The following PPP1R1C variants were observed in gnomAD, a reference collection of about 807,000 sequenced individuals.
PPP1R1C encodes the protein protein phosphatase 1 regulatory subunit 1C.
In PPP1R1C, 15 loss-of-function variants were observed where a neutral mutation model predicts 17.4. The observed-to-expected ratio is 0.86, with a 90% CI of 0.58 to 1.33. The LOEUF is 1.33. Ranked by LOEUF, PPP1R1C falls within the 40% of genes most tolerant of loss-of-function variation. The pLI, the probability that PPP1R1C is intolerant of heterozygous loss-of-function variation, is 0.00. For missense variants in PPP1R1C, 143 were observed against 130.0 expected (o/e 1.10, Z -0.48); for synonymous variants, 35 against 43.1 (o/e 0.81, Z 0.73).
chr2:182,057,170 A>G (rs1183336345), intron 2 of PPP1R1C, among the ~76,000 whole-genome samples: 1 of 152,160 alleles, frequency 6.6e-6, no homozygotes, highest in Non-Finnish European at 1.5e-5. Flanking sequence ...CAGCTATGCT[A>G]TTGTGCTCAG....
intron 2 of PPP1R1C, among the ~76,000 whole-genome samples, chr2:182,045,720 A>G (rs544825577): frequency 6.6e-6 from 1 of 152,202 alleles, no homozygotes; most frequent in Non-Finnish European, 1.5e-5. Flanking sequence ...GAAATTTGCA[A>G]TGGTTATATC....
At chr2:182,128,713 C>T (rs1921150) in intron 5 of PPP1R1C, among the ~76,000 whole-genome samples, 42,130 of 151,868 alleles carry the variant, frequency 0.28, 6,787 homozygotes, top group African/African-American at 0.43. Flanking sequence ...TCTTTTAAAA[C>T]TTCCCTTTAG....
rs1456318609 is a variant in PPP1R1C at position 182,026,220 on chromosome 2, C to A, written c.143-35222C>A. On this transcript the variant is annotated intron_variant, in intron 2 of 4. Coordinates refer to ENST00000682840, the MANE Select transcript of PPP1R1C (RefSeq NM_001080545.3). ...CAGAAGCTCTTTAGTTTAATTAGATCCCATTTGTCAATTTTGTCTTTTGTT... is the reference window on the plus strand; with the variant it reads ...CAGAAGCTCTTTAGTTTAATTAGATACCATTTGTCAATTTTGTCTTTTGTT... Among the ~76,000 whole-genome samples the A allele has an allele frequency of 2.7e-3, 277 of 101,224 alleles. 1 individual carries two copies. The highest frequency in any genetic ancestry group is 4.6e-3 in the Non-Finnish European group (223 of 48,890). The allele number at this position is 101,224 out of a possible 152,430, so 66.4% of individuals were successfully genotyped here.
intron 2 of PPP1R1C, among the ~76,000 whole-genome samples, chr2:181,996,404 C>T (rs1334698051): frequency 6.6e-6 from 1 of 152,196 alleles, no homozygotes; most frequent in Non-Finnish European, 1.5e-5. Flanking sequence ...CATTTCAGAT[C>T]TTCCCTAATA....
intron 2 of PPP1R1C, among the ~76,000 whole-genome samples, chr2:182,003,502 C>T (rs1248767438): frequency 6.6e-6 from 1 of 152,060 alleles, no homozygotes. Context: ...CATTTTTGGA[C>T]ATGGACATAC....
chr2:182,075,175 T>A (rs1688256648), intron 4 of PPP1R1C, among the ~76,000 whole-genome samples: 2 of 152,252 alleles, frequency 1.3e-5, no homozygotes, highest in Admixed American at 1.3e-4. Flanking sequence ...GTAGGTATAC[T>A]GAAGCTATCA....
At chr2:181,984,170 T>C (rs533846172), upstream of PPP1R1C, among the ~76,000 whole-genome samples, 20 of 152,328 alleles carry the variant, frequency 1.3e-4, no homozygotes, top group African/African-American at 3.1e-4. Context: ...CTATCTTTTA[T>C]TGAGTGATTC....
intron 4 of PPP1R1C, among the ~76,000 whole-genome samples, chr2:182,070,295 C>T (rs1388316736): frequency 6.6e-6 from 1 of 152,186 alleles, no homozygotes; most frequent in African/African-American, 2.4e-5. Context: ...TAAGATGATG[C>T]TGTAATGTGG....
Position 182,117,479 on chromosome 2 carries a change from T to A in PPP1R1C, c.*184T>A. On this transcript the variant is annotated 3_prime_UTR_variant, in exon 5 of 5. Transcript: ENST00000682840. ...GAACTTTAGAACTAAGTACACATTGTTCCACATCACTTATAATTAAAGAAT... is the reference window on the plus strand; with the variant it reads ...GAACTTTAGAACTAAGTACACATTGATCCACATCACTTATAATTAAAGAAT... The A allele has an allele frequency of 2.0e-6, 1 of 497,816 alleles. No homozygotes were observed. Among genetic ancestry groups the A allele is most frequent in the Non-Finnish European group, 3.6e-6 (1 of 277,388 alleles). 30.8% of individuals were successfully genotyped at this position (497,816 alleles called of 1,614,324 possible).
intron 2 of PPP1R1C, among the ~76,000 whole-genome samples, chr2:182,017,949 T>G (rs920895260): frequency 1.3e-5 from 2 of 152,146 alleles, no homozygotes; most frequent in Non-Finnish European, 2.9e-5. Flanking sequence ...GAATGATCAT[T>G]ATTCTAAATT....
intron 2 of PPP1R1C, 90 bp downstream of exon 2, chr2:181,987,989 T>C (rs1685353621): frequency 9.1e-7 from 1 of 1,101,224 alleles, no homozygotes; most frequent in African/African-American, 1.6e-5. Flanking sequence ...AAAGTTTCAA[T>C]TTAGGATTTC....
intron 4 of PPP1R1C, among the ~76,000 whole-genome samples, chr2:182,098,934 G>A (rs1165614292): frequency 2.6e-5 from 4 of 152,114 alleles, no homozygotes; most frequent in Admixed American, 1.3e-4. Context: ...TTACTTGAAC[G>A]TTTCTTCTCA....
chr2:182,048,384 G>A (rs569919203), intron 2 of PPP1R1C, among the ~76,000 whole-genome samples: 151 of 152,198 alleles, frequency 9.9e-4, no homozygotes, highest in Non-Finnish European at 1.9e-3. Flanking sequence ...GGGAGAGTTT[G>A]ATAAGTCAGG....
intron 2 of PPP1R1C, among the ~76,000 whole-genome samples, chr2:182,045,924 C>A (rs1374379149): frequency 1.3e-5 from 2 of 151,938 alleles, no homozygotes; most frequent in Admixed American, 6.6e-5. Context: ...TACAATGAAA[C>A]CTAATTTTAT....
chr2:182,055,078 T>G (rs868061412), intron 2 of PPP1R1C, among the ~76,000 whole-genome samples: 29 of 126,734 alleles, frequency 2.3e-4, no homozygotes, highest in Admixed American at 8.2e-4. Flanking sequence ...TAGTTTCTGG[T>G]TTTTTTTTTA....
intron 4 of PPP1R1C, among the ~76,000 whole-genome samples, chr2:182,098,903 A>G (rs1476138698): frequency 6.6e-6 from 1 of 152,210 alleles, no homozygotes; most frequent in African/African-American, 2.4e-5. Context: ...GTCTTTCTCA[A>G]TGCCTGGACT....
chr2:182,100,599 AT>A (rs1373543837), intron 4 of PPP1R1C, among the ~76,000 whole-genome samples: 1 of 152,172 alleles, frequency 6.6e-6, no homozygotes, highest in Non-Finnish European at 1.5e-5. Context: ...CAAAAGGGAA[AT>A]TTATTGAAAG....
intron 1 of PPP1R1C, among the ~76,000 whole-genome samples, chr2:181,958,469 C>T (rs1684706633): frequency 6.6e-6 from 1 of 152,156 alleles, no homozygotes; most frequent in South Asian, 2.1e-4. Flanking sequence ...AAGGAGGCTC[C>T]ATAGGGATGT....
intron 2 of PPP1R1C, among the ~76,000 whole-genome samples, chr2:182,041,609 C>CAAAAAA (rs71405472): frequency 6.8e-5 from 4 of 58,472 alleles, no homozygotes; most frequent in African/African-American, 1.1e-4. Context: ...GACTCTGTCT[C>CAAAAAA]AAAAAAAAAA....
Sources: gnomAD v4.1 joint callset for allele counts (sites outside exome capture counted in the v4.1 genomes callset) on GRCh38, gnomAD v4.1.1 for gene constraint, MANE v1.5 for transcripts, NCBI Gene and HGNC (gene_info 2026-07-23, HGNC 2026-07-21) for gene names.